The following C8orf34 variants were observed in gnomAD, a reference collection of about 807,000 sequenced individuals.
C8orf34 encodes the protein chromosome 8 open reading frame 34.
C8orf34 carries 65 observed loss-of-function variants against 68.3 expected under a neutral mutation model. The ratio of observed to expected loss-of-function variants is 0.95; its 90% CI spans 0.78 to 1.17. C8orf34 has a LOEUF of 1.17. C8orf34 is among the 50% of genes most tolerant of loss of function. The pLI is 0.00. For missense variants in C8orf34, 664 were observed against 655.4 expected, an observed-to-expected ratio of 1.01 and a Z score of -0.14; for synonymous variants, 244 against 241.2, an observed-to-expected ratio of 1.01 and a Z score of -0.11.
chr8:68,522,616 T>A (rs1347007657), intron 6 of C8orf34, among the ~76,000 whole-genome samples: 1 of 152,198 alleles, frequency 6.6e-6, no homozygotes, highest in Non-Finnish European at 1.5e-5. Flanking sequence ...CTGGTAATAG[T>A]GAATTAATGT....
chr8:68,638,021 C>T (rs1764000831), intron 7 of C8orf34, among the ~76,000 whole-genome samples: 1 of 152,020 alleles, frequency 6.6e-6, no homozygotes, highest in Middle Eastern at 3.2e-3. Context: ...TAGGTAACTA[C>T]CAGGGGTCTT....
chr8:68,345,923 T>C (rs1806263944), intron 1 of C8orf34, among the ~76,000 whole-genome samples: 1 of 152,062 alleles, frequency 6.6e-6, no homozygotes, highest in Non-Finnish European at 1.5e-5. Flanking sequence ...CTTAGAAAAC[T>C]GTACAGGCCA....
At chr8:68,762,491 A>G (rs1487252298) in intron 10 of C8orf34, among the ~76,000 whole-genome samples, 1 of 152,186 alleles carries the variant, frequency 6.6e-6, no homozygotes, top group Non-Finnish European at 1.5e-5. Context: ...ACATGTTACA[A>G]GAATTATTCT....
At chr8:68,580,084 A>G (rs929996532) in intron 7 of C8orf34, among the ~76,000 whole-genome samples, 14 of 152,172 alleles carry the variant, frequency 9.2e-5, no homozygotes, top group Non-Finnish European at 1.9e-4. Context: ...ACAGAAACAG[A>G]ATAAACATAA....
intron 1 of C8orf34, among the ~76,000 whole-genome samples, chr8:68,387,798 G>C (rs1305482272): frequency 6.6e-6 from 1 of 152,082 alleles, no homozygotes; most frequent in Non-Finnish European, 1.5e-5. Context: ...ATACAAAATA[G>C]GTAATAGAGC....
intron 7 of C8orf34, among the ~76,000 whole-genome samples, chr8:68,584,955 T>C (rs748876454): frequency 2.0e-5 from 3 of 152,134 alleles, no homozygotes; most frequent in Non-Finnish European, 4.4e-5. Flanking sequence ...GGAAATGTAG[T>C]GATATGACTA....
intron 7 of C8orf34, among the ~76,000 whole-genome samples, chr8:68,540,671 C>G (rs1415550264): frequency 6.6e-6 from 1 of 151,864 alleles, no homozygotes; most frequent in Non-Finnish European, 1.5e-5. Flanking sequence ...GAAACCCTGT[C>G]TCCACCATAA....
intron 7 of C8orf34, among the ~76,000 whole-genome samples, chr8:68,577,930 C>T (rs546215151): frequency 6.6e-6 from 1 of 151,846 alleles, no homozygotes; most frequent in South Asian, 2.1e-4. Context: ...CAGTGGCTCT[C>T]TCATGAGACT....
intron 1 of C8orf34, among the ~76,000 whole-genome samples, chr8:68,381,452 G>T (rs1169493622): frequency 1.3e-5 from 2 of 152,120 alleles, no homozygotes; most frequent in African/African-American, 4.8e-5. Flanking sequence ...GTATATTAAG[G>T]CCGGGCGCGG....
chr8:68,693,180 G>A (rs574423559), intron 8 of C8orf34, among the ~76,000 whole-genome samples: 1 of 152,162 alleles, frequency 6.6e-6, no homozygotes, highest in South Asian at 2.1e-4. Context: ...AGTACTTGCT[G>A]TTTTGAAGAC....
At chr8:68,432,894 C>A in intron 1 of C8orf34, among the ~76,000 whole-genome samples, 1 of 152,088 alleles carries the variant, frequency 6.6e-6, no homozygotes, top group East Asian at 1.9e-4. Context: ...AACATGCTTA[C>A]CATTCTACTG....
rs184870555 is a variant in C8orf34 at position 68,713,125 on chromosome 8, C to T, written c.1327+4046C>T. 1.8e-3 allele frequency among the ~76,000 whole-genome samples: 276 copies of T among 152,016 alleles called. 1 individual carries two copies. Among genetic ancestry groups the T allele is most frequent in the African/African-American group, 3.9e-3 (162 of 41,530 alleles). On this transcript the variant is annotated intron_variant, in intron 9 of 13. Coordinates refer to ENST00000518698, the MANE Select transcript of C8orf34 (RefSeq NM_052958.4). Reference sequence around the variant, plus strand: ...AAATTAAAAAGTTCTTTGAACTGAACGATAATAGTAACATAACCTATCAAA... The same window carrying T: ...AAATTAAAAAGTTCTTTGAACTGAATGATAATAGTAACATAACCTATCAAA...
chr8:68,687,521 C>T (rs545481867), intron 8 of C8orf34, among the ~76,000 whole-genome samples: 3 of 151,988 alleles, frequency 2.0e-5, no homozygotes, highest in African/African-American at 7.2e-5. Context: ...GAAAGGACAC[C>T]GTATTCAAAA....
intron 8 of C8orf34, among the ~76,000 whole-genome samples, chr8:68,675,288 G>A (rs1820148559): frequency 6.6e-6 from 1 of 152,102 alleles, no homozygotes; most frequent in Non-Finnish European, 1.5e-5. Flanking sequence ...TACTGTAATG[G>A]TGGTTTGTAA....
chr8:68,727,491 C>A (rs1024928889), intron 10 of C8orf34, among the ~76,000 whole-genome samples: 1 of 152,216 alleles, frequency 6.6e-6, no homozygotes, highest in Non-Finnish European at 1.5e-5. Context: ...CTTCTCACAG[C>A]TCCACTATGT....
intron 10 of C8orf34, among the ~76,000 whole-genome samples, chr8:68,744,610 G>A (rs1396672732): frequency 1.5e-3 from 230 of 152,210 alleles, no homozygotes; most frequent in African/African-American, 4.3e-3. Context: ...GAGCCGATGC[G>A]ATCAACTGGA....
chr8:68,442,162 G>T (rs145298918), intron 2 of C8orf34, among the ~76,000 whole-genome samples: 2 of 152,084 alleles, frequency 1.3e-5, no homozygotes, highest in Non-Finnish European at 2.9e-5. Context: ...TTATTATGTG[G>T]TGAGGATATT....
intron 7 of C8orf34, among the ~76,000 whole-genome samples, chr8:68,555,794 T>A (rs761041647): frequency 9.9e-5 from 15 of 152,186 alleles, no homozygotes; most frequent in Non-Finnish European, 2.1e-4. Context: ...GTAGGTATAG[T>A]TCATTTACTT....
At chr8:68,661,729 C>G (rs986437229) in intron 8 of C8orf34, among the ~76,000 whole-genome samples, 1 of 151,928 alleles carries the variant, frequency 6.6e-6, no homozygotes, top group African/African-American at 2.4e-5. Flanking sequence ...TAGGTAAGCC[C>G]GTTGTGCAAG....
Sources: allele counts gnomAD v4.1 joint callset (sites outside exome capture counted in the v4.1 genomes callset), GRCh38; gene constraint gnomAD v4.1.1; transcripts MANE v1.5; gene names NCBI Gene and HGNC (gene_info 2026-07-23, HGNC 2026-07-21).